Variants in GARNL3 observed in about 807,000 individuals in gnomAD.
GARNL3 encodes GTPase activating Rap/RanGAP domain like 3.
Under a neutral mutation model 125.0 loss-of-function variants are expected in GARNL3, and 63 were observed. That is an observed-to-expected ratio of 0.50 (90% CI 0.41 to 0.62). The LOEUF is 0.62. Ranked by LOEUF, GARNL3 falls within the 20% of genes least tolerant of loss-of-function variation. The pLI is 0.00. For synonymous variants in GARNL3, 439 were observed against 457.5 expected (o/e 0.96, Z 0.52); for missense variants, 994 against 1,244.0 (o/e 0.80, Z 3.02).
At position 127,325,096 on chromosome 9, in the gene GARNL3, G is replaced by C; in HGVS notation, c.594+1G>C. The stretch of plus-strand genomic sequence containing the variant: ...CTTGCTGGTTCTTGAAGAACAAGAG[G>C]TGAGTAATTCTATGGAGATATTTGC... On this transcript the variant is annotated splice_donor_variant, in intron 7 of 27. Coordinates refer to ENST00000373387, the MANE Select transcript of GARNL3 (RefSeq NM_032293.5). LOFTEE classifies it high-confidence loss of function. 6.2e-7 allele frequency: 1 copy of C among 1,613,284 alleles called. No homozygotes were observed.
intron 20 of GARNL3, 85 bp downstream of exon 20, chr9:127,355,557 C>G: frequency 7.7e-7 from 1 of 1,306,918 alleles, no homozygotes; most frequent in Non-Finnish European, 1.1e-6. Context: ...TTGTTACCCA[C>G]TGAGGTTGTC....
At chr9:127,338,037 T>C (rs1373067340) in intron 11 of GARNL3, 79 bp from the exon 12 acceptor site, 1 of 1,063,860 alleles carries the variant, frequency 9.4e-7, no homozygotes, top group Non-Finnish European at 1.5e-6. Flanking sequence ...AGAATGACTC[T>C]GCACAAGGGA....
At chr9:127,289,886 T>A (rs1489778926) in intron 1 of GARNL3, among the ~76,000 whole-genome samples, 5 of 152,216 alleles carry the variant, frequency 3.3e-5, no homozygotes, top group Admixed American at 6.5e-5. Flanking sequence ...TTTTAGAAAT[T>A]ATTTTGCAGG....
chr9:127,300,937 C>A, intron 2 of GARNL3: 1 of 204,876 alleles, frequency 4.9e-6, no homozygotes, highest in South Asian at 7.7e-5. Context: ...TTCCTTAGGT[C>A]TCCTTTGCAC....
At chr9:127,291,353 G>C in intron 2 of GARNL3, 111 bp downstream of exon 2, 2 of 914,874 alleles carry the variant, frequency 2.2e-6, no homozygotes, top group East Asian at 5.1e-5. Flanking sequence ...TCAGAGCTTT[G>C]CTTGAAGCAA....
At chr9:127,370,314 G>A (rs546515319) in intron 22 of GARNL3, among the ~76,000 whole-genome samples, 1 of 152,296 alleles carries the variant, frequency 6.6e-6, no homozygotes, top group South Asian at 2.1e-4. Flanking sequence ...TCTCTCCCAC[G>A]GAAGTGGGAA....
rs575544731 is a variant in GARNL3 at position 127,348,948 on chromosome 9, A to T, written c.1456A>T (p.Ser486Cys). 6.2e-7 allele frequency: 1 copy of T among 1,613,316 alleles called. No homozygotes were observed. The highest frequency in any genetic ancestry group is 1.7e-4 in the Middle Eastern group (1 of 5,816). The stretch of plus-strand genomic sequence containing the variant: ...GCCGTGGGAGCCCCAGTGTTTCTGC[A>T]GTAATTTCCCTCATGAAGCCGTGTG... Reference protein sequence around the residue: ...KEPWEPQCFCSNFPHEAVCAD... With the variant: ...KEPWEPQCFCCNFPHEAVCAD... The change falls in exon 17 of 28, where the codon AGT becomes TGT. Residue 486 changes from serine (S) to cysteine (C), a missense_variant. Ser to Cys is a moderately radical substitution (Grantham distance 112). Transcript: ENST00000373387.
chr9:127,376,180 G>C (rs1189498678), intron 22 of GARNL3, among the ~76,000 whole-genome samples: 1 of 152,076 alleles, frequency 6.6e-6, no homozygotes, highest in Non-Finnish European at 1.5e-5. Context: ...GGCTGGTCTC[G>C]AACTCCTGAC....
At position 127,354,338 on chromosome 9, in the gene GARNL3, A is replaced by G. The variant is rs778889739; in HGVS notation, c.1687A>G (p.Lys563Glu). The G allele has an allele frequency of 3.5e-5, 56 of 1,613,856 alleles. No homozygotes were observed. The highest frequency in any genetic ancestry group is 1.9e-5 in the Non-Finnish European group (22 of 1,179,922). ...TGTCTTCAGGCTAAGTGCTCTGCAA[A>G]AGGGCCTTGAGGGGAAGCAGGCTGG... ...LFVFRLSALQ[K>E]GLEGKQAGKS... Residue 563 changes from lysine to glutamate, a missense_variant, in exon 19 of 28, where the codon AAG (lysine) becomes GAG (glutamate). Transcript: ENST00000373387.
chr9:127,391,340 A>G (rs1832824871), intron 27 of GARNL3, among the ~76,000 whole-genome samples: 1 of 145,216 alleles, frequency 6.9e-6, no homozygotes, highest in Non-Finnish European at 1.5e-5. Context: ...TCTATTATAT[A>G]TATATGTAGA....
intron 1 of GARNL3, among the ~76,000 whole-genome samples, chr9:127,231,035 C>CATATATATATATAT (rs200926096): frequency 1.6e-3 from 87 of 55,786 alleles, no homozygotes; most frequent in Admixed American, 3.5e-3. Context: ...TGTATATATA[C>CATATATATATATAT]ATATATATAT....
intron 24 of GARNL3, 62 bp from the exon 25 acceptor site, chr9:127,387,131 G>A (rs1463041430): frequency 6.5e-7 from 1 of 1,543,828 alleles, no homozygotes; most frequent in East Asian, 2.3e-5. Flanking sequence ...ATGGCAGGAG[G>A]GCCAGTGGAT....
chr9:127,290,258 A>G (rs964834351), intron 1 of GARNL3, among the ~76,000 whole-genome samples: 2 of 151,652 alleles, frequency 1.3e-5, no homozygotes, highest in Non-Finnish European at 2.9e-5. Context: ...TTTCCTTGAG[A>G]AAATTCATTG....
chr9:127,318,227 G>T, intron 5 of GARNL3, 100 bp downstream of exon 5: 1 of 807,146 alleles, frequency 1.2e-6, no homozygotes, highest in South Asian at 1.4e-5. Context: ...ATTGTCTTGA[G>T]CCTTGACTGT....
chr9:127,328,732 C>A (rs528872275), intron 7 of GARNL3, among the ~76,000 whole-genome samples: 1 of 152,056 alleles, frequency 6.6e-6, no homozygotes, highest in African/African-American at 2.4e-5. Context: ...ACTTTAGTTT[C>A]CCCCCATAGT....
chr9:127,290,836 G>A (rs2064392969), intron 1 of GARNL3, among the ~76,000 whole-genome samples: 1 of 152,210 alleles, frequency 6.6e-6, no homozygotes, highest in South Asian at 2.1e-4. Flanking sequence ...TTGGCTTTTG[G>A]TCTTGCCATC....
chr9:127,250,118 G>A (rs2063374288), intron 2 of GARNL3, among the ~76,000 whole-genome samples: 1 of 152,112 alleles, frequency 6.6e-6, no homozygotes, highest in South Asian at 2.1e-4. Flanking sequence ...TACCATTTGT[G>A]TAAAAAAAGG....
chr9:127,337,460 G>A (rs1199008967), intron 11 of GARNL3, among the ~76,000 whole-genome samples: 1 of 152,172 alleles, frequency 6.6e-6, no homozygotes, highest in Non-Finnish European at 1.5e-5. Flanking sequence ...AGACACTAAG[G>A]AATTGATGGC....
intron 2 of GARNL3, among the ~76,000 whole-genome samples, chr9:127,310,756 A>T (rs1370908425): frequency 1.3e-5 from 2 of 150,768 alleles, no homozygotes; most frequent in African/African-American, 4.9e-5. Context: ...CCTGTGCAAC[A>T]GAGTAAGACT....
Sources: allele counts gnomAD v4.1 joint callset (sites outside exome capture counted in the v4.1 genomes callset), GRCh38; gene constraint gnomAD v4.1.1; transcripts MANE v1.5; gene names NCBI Gene and HGNC (gene_info 2026-07-23, HGNC 2026-07-21).